ABCA13: variants seen among roughly 807,000 people sequenced by gnomAD.
The protein encoded by ABCA13 is ATP binding cassette subfamily A member 13.
Under a neutral mutation model 478.7 loss-of-function variants are expected in ABCA13, and 476 were observed. The observed-to-expected ratio is 0.99, with a 90% CI of 0.92 to 1.07. ABCA13 has a LOEUF of 1.07. Ranked by LOEUF, ABCA13 falls within the 50% of genes least tolerant of loss-of-function variation. The pLI is 0.00. For synonymous variants in ABCA13, 2,252 were observed against 2,158.9 expected (o/e 1.04, Z -1.20); for missense variants, 6,060 against 5,910.6 (o/e 1.03, Z -0.83).
chr7:48,284,401 T>C (rs1404530124), intron 19 of ABCA13, among the ~76,000 whole-genome samples: 1 of 152,226 alleles, frequency 6.6e-6, no homozygotes, highest in African/African-American at 2.4e-5. Flanking sequence ...TTGCTTTCTG[T>C]TGTCAAATAG....
intron 31 of ABCA13, among the ~76,000 whole-genome samples, chr7:48,355,756 G>A (rs560974849): frequency 2.4e-4 from 36 of 152,044 alleles, no homozygotes; most frequent in African/African-American, 8.2e-4. Context: ...GAGAGACATC[G>A]AGGAAGATTC....
At chr7:48,342,018 G>A (rs1807315102) in intron 29 of ABCA13, among the ~76,000 whole-genome samples, 1 of 149,518 alleles carries the variant, frequency 6.7e-6, no homozygotes. Context: ...TTGATATCTT[G>A]TATTTTCACT....
intron 15 of ABCA13, among the ~76,000 whole-genome samples, chr7:48,265,407 T>G (rs1450202863): frequency 6.6e-6 from 1 of 151,626 alleles, no homozygotes; most frequent in Non-Finnish European, 1.5e-5. Flanking sequence ...TTCAATGTTC[T>G]AGCTCATGGT....
Position 48,204,090 on chromosome 7 carries a change from G to C in ABCA13, c.287+5730G>C, listed in dbSNP as rs183321009. On this transcript the variant is annotated intron_variant, in intron 3 of 61. Transcript: ENST00000435803. ...CTGCCTCACCTCAGCTTCTCAGTTT[G>C]CTTTTCACTCTCTTGACACTCTTTT... Among the ~76,000 whole-genome samples the C allele has an allele frequency of 3.2e-4, 48 of 148,086 alleles. No homozygotes were observed. In the East Asian group the frequency reaches 4.9e-3, roughly 15 times the overall value.
intron 55 of ABCA13, among the ~76,000 whole-genome samples, chr7:48,532,165 T>A (rs1349703752): frequency 6.6e-6 from 1 of 152,092 alleles, no homozygotes; most frequent in African/African-American, 2.4e-5. Context: ...TACCTTAAGT[T>A]ATGTCCCTTC....
At chr7:48,549,510 G>C (rs979213494) in intron 55 of ABCA13, among the ~76,000 whole-genome samples, 20 of 151,792 alleles carry the variant, frequency 1.3e-4, no homozygotes, top group African/African-American at 4.6e-4. Flanking sequence ...ACCATAAATA[G>C]TGTTGCAATA....
chr7:48,323,368 A>G (rs1803799596), intron 27 of ABCA13, among the ~76,000 whole-genome samples: 1 of 152,222 alleles, frequency 6.6e-6, no homozygotes. Context: ...CATTTGAGCC[A>G]AAGACATTCT....
At chr7:48,412,906 G>A (rs955997285) in intron 41 of ABCA13, among the ~76,000 whole-genome samples, 1 of 151,548 alleles carries the variant, frequency 6.6e-6, no homozygotes, top group African/African-American at 2.4e-5. Flanking sequence ...CTGCCTCCCG[G>A]GTTCACGCCA....
At chr7:48,500,835 C>T (rs979615853) in intron 48 of ABCA13, among the ~76,000 whole-genome samples, 33 of 152,254 alleles carry the variant, frequency 2.2e-4, no homozygotes, top group East Asian at 2.1e-3. Flanking sequence ...GAAAGCTCCC[C>T]GACTTCCTCC....
chr7:48,198,166 T>A (rs774042512), intron 2 of ABCA13, 71 bp from the exon 3 acceptor site: 20 of 1,454,940 alleles, frequency 1.4e-5, no homozygotes, highest in Non-Finnish European at 1.8e-5. Context: ...ATATTACAAT[T>A]TCAACTCAAC....
At chr7:48,539,151 C>T (rs185153174) in intron 55 of ABCA13, among the ~76,000 whole-genome samples, 35 of 152,068 alleles carry the variant, frequency 2.3e-4, no homozygotes, top group Admixed American at 3.3e-4. Context: ...GAGGCTGTGG[C>T]GGGCGAATTG....
chr7:48,507,760 T>G, intron 49 of ABCA13, 112 bp from the exon 50 acceptor site: 1 of 1,265,668 alleles, frequency 7.9e-7, no homozygotes, highest in Non-Finnish European at 1.1e-6. Context: ...CCTGGCTGAT[T>G]ATGAATTTTT....
chr7:48,220,662 A>G (rs1787233052), intron 4 of ABCA13, among the ~76,000 whole-genome samples: 1 of 152,190 alleles, frequency 6.6e-6, no homozygotes, highest in South Asian at 2.1e-4. Flanking sequence ...CCCAAAATGT[A>G]TCAAAATAGA....
At chr7:48,623,179 T>G (rs1238009681) in intron 59 of ABCA13, among the ~76,000 whole-genome samples, 2 of 152,220 alleles carry the variant, frequency 1.3e-5, no homozygotes, top group Admixed American at 6.5e-5. Context: ...TGTTGACATG[T>G]CTTTTGGCAA....
At chr7:48,602,957 T>C (rs1414158757) in intron 58 of ABCA13, among the ~76,000 whole-genome samples, 12 of 152,184 alleles carry the variant, frequency 7.9e-5, no homozygotes, top group Non-Finnish European at 1.5e-5. Flanking sequence ...TCCTTGTAAG[T>C]TGTATTCCTA....
At chr7:48,597,861 T>C (rs1422718390) in intron 58 of ABCA13, among the ~76,000 whole-genome samples, 1 of 152,224 alleles carries the variant, frequency 6.6e-6, no homozygotes, top group East Asian at 1.9e-4. Flanking sequence ...AATCCCTCCT[T>C]GCCTTCACAC....
At chr7:48,542,879 A>T (rs1251578810) in intron 55 of ABCA13, among the ~76,000 whole-genome samples, 1 of 151,770 alleles carries the variant, frequency 6.6e-6, no homozygotes, top group African/African-American at 2.4e-5. Flanking sequence ...TTTCAAAAAG[A>T]ATAGGTTGAT....
intron 55 of ABCA13, among the ~76,000 whole-genome samples, chr7:48,565,087 G>C (rs1396550969): frequency 2.0e-5 from 3 of 152,036 alleles, no homozygotes; most frequent in Admixed American, 6.6e-5. Context: ...CGGAAACGGT[G>C]ATAAACATAA....
rs192947814 is a variant in ABCA13 at position 48,339,295 on chromosome 7, G to A, written c.10204+840G>A. ...ATGCAATACTTAATATTTTACTTCAGAAAGGTTAATCATATTTTAAAATGT... is the reference window on the plus strand; with the variant it reads ...ATGCAATACTTAATATTTTACTTCAAAAAGGTTAATCATATTTTAAAATGT... On this transcript the variant is annotated intron_variant, in intron 29 of 61. Coordinates refer to ENST00000435803, the MANE Select transcript of ABCA13 (RefSeq NM_152701.5). Among the ~76,000 whole-genome samples the A allele has an allele frequency of 4.6e-3, 697 of 152,306 alleles. 2 individuals carry two copies. The highest frequency in any genetic ancestry group is 7.5e-3 in the Non-Finnish European group (509 of 68,016).
Sources: allele counts gnomAD v4.1 joint callset (sites outside exome capture counted in the v4.1 genomes callset), GRCh38; gene constraint gnomAD v4.1.1; transcripts MANE v1.5; gene names NCBI Gene and HGNC (gene_info 2026-07-23, HGNC 2026-07-21).